The following PFKL variants were observed in gnomAD, a reference collection of about 807,000 sequenced individuals.
PFKL encodes ATP-dependent 6-phosphofructokinase, liver type.
In PFKL, 74 loss-of-function variants were observed where a neutral mutation model predicts 92.1. That is an observed-to-expected ratio of 0.80 (90% CI 0.67 to 0.97). The LOEUF is 0.97. PFKL is among the 50% of genes least tolerant of loss of function. PFKL has a pLI of 0.00. For synonymous variants in PFKL, 494 were observed against 456.4 expected, an observed-to-expected ratio of 1.08 and a Z score of -1.05; for missense variants, 1,028 against 1,116.6, an observed-to-expected ratio of 0.92 and a Z score of 1.13.
intron 2 of PFKL, among the ~76,000 whole-genome samples, chr21:44,310,263 G>T (rs2041077235): frequency 6.6e-6 from 1 of 152,258 alleles, no homozygotes; most frequent in Non-Finnish European, 1.5e-5. Flanking sequence ...GGCTGTGCAG[G>T]TGCCATCTGG....
chr21:44,306,578 A>C, intron 1 of PFKL, 103 bp from the exon 2 acceptor site: 43 of 857,210 alleles, frequency 5.0e-5, no homozygotes, highest in Non-Finnish European at 5.7e-5. Context: ...TGAGATGGAC[A>C]GGGTGTCCAG....
chr21:44,325,288 G>A (rs752623433), intron 19 of PFKL, 24 bp downstream of exon 19: 7 of 1,444,750 alleles, frequency 4.8e-6, no homozygotes, highest in Non-Finnish European at 6.8e-6. Context: ...GTGAGGCTCT[G>A]AGAGGCCTGC....
chr21:44,310,577 T>A lies in PFKL; in HGVS notation c.160-429T>A, dbSNP rs2047012907. On this transcript the variant is annotated intron_variant, in intron 2 of 21. Transcript: ENST00000349048. ...CCGCCGGCCGCATGCCTGGGAGGAC[T>A]CCAGTGGGGACAGAAGGAGCCACGC... 2.6e-5 allele frequency among the ~76,000 whole-genome samples: 4 copies of A among 152,316 alleles called. No homozygotes were observed. In the South Asian group the frequency reaches 8.3e-4, roughly 32 times the overall value.
At chr21:44,305,391 C>G (rs769773890) in intron 1 of PFKL, 6 of 1,362,454 alleles carry the variant, frequency 4.4e-6, no homozygotes, top group Non-Finnish European at 5.9e-6. Context: ...AGGGAGCTGC[C>G]GAGGCTTGAG....
chr21:44,312,578 C>CCT, intron 4 of PFKL, among the ~76,000 whole-genome samples: 1 of 152,328 alleles, frequency 6.6e-6, no homozygotes, highest in South Asian at 2.1e-4. Context: ...CAAGTCTTCT[C>CCT]TGTGATTGAT....
intron 17 of PFKL, 83 bp from the exon 18 acceptor site, chr21:44,324,773 C>G: frequency 6.3e-7 from 1 of 1,576,778 alleles, no homozygotes; most frequent in Non-Finnish European, 8.7e-7. Context: ...TAGCCCAGTG[C>G]TCCTGCTGGC....
At chr21:44,307,257 C>T (rs905104258) in intron 2 of PFKL, 2 of 984,944 alleles carry the variant, frequency 2.0e-6, no homozygotes, top group African/African-American at 1.7e-5. Context: ...TGTGTCCCCG[C>T]AGGAGCAGCG....
At chr21:44,313,713 G>GC in intron 6 of PFKL, 31 bp downstream of exon 6, 1 of 1,601,040 alleles carries the variant, frequency 6.2e-7, no homozygotes. Context: ...CCGCTGGGTG[G>GC]CCCGGGTGCT....
chr21:44,318,515 A>G lies in PFKL; in HGVS notation c.982A>G (p.Thr328Ala), dbSNP rs151173166. The change falls in exon 10 of 22, where the codon ACG becomes GCG. Residue 328 changes from threonine to alanine, a missense_variant. Thr to Ala is a moderately conservative substitution (Grantham distance 58). Coordinates refer to ENST00000349048, the MANE Select transcript of PFKL (RefSeq NM_002626.6). ...MEAVMALLEA[T>A]PDTPACVVTL... ...GGCGGTGATGGCGCTGCTGGAAGCC[A>G]CGCCTGACACGCCGGCCTGCGTGGT... 1.4e-4 allele frequency: 222 copies of G among 1,575,532 alleles called. 1 individual carries two copies. The highest frequency in any genetic ancestry group is 9.8e-4 in the African/African-American group (72 of 73,588).
chr21:44,302,304 T>C (rs2040799504), intron 1 of PFKL, among the ~76,000 whole-genome samples: 1 of 152,126 alleles, frequency 6.6e-6, no homozygotes, highest in Non-Finnish European at 1.5e-5. Flanking sequence ...GAACAGGTGG[T>C]TTTCTGCAAG....
rs536874146 is a variant in PFKL at position 44,301,101 on chromosome 21, A to G, written c.85+911A>G. On this transcript the variant is annotated intron_variant, in intron 1 of 21. Transcript: ENST00000349048. ...TCAGAAAATGGTTGAGAAAATGCGG[A>G]CACACACCCCCACCCAGCTTCAGGC... is the stretch of plus-strand genomic sequence containing the variant. 4.5e-4 allele frequency among the ~76,000 whole-genome samples: 68 copies of G among 152,278 alleles called. 2 individuals are homozygous for G. The South Asian group carries it at 0.014, about 32-fold the overall frequency.
intron 5 of PFKL, 146 bp downstream of exon 5, chr21:44,313,289 G>C: frequency 1.1e-6 from 1 of 936,912 alleles, no homozygotes; most frequent in Non-Finnish European, 1.6e-6. Context: ...CCCCAGCTGG[G>C]GGAACGCACA....
chr21:44,304,408 G>C, intron 1 of PFKL: 1 of 1,254,656 alleles, frequency 8.0e-7, no homozygotes, highest in Admixed American at 2.6e-5. Flanking sequence ...GCCTGGGTGC[G>C]CTGCTCCTGC....
In PFKL at chr21:44,319,335, G is replaced by C. The variant is rs771979389; in HGVS notation, c.1063-16G>C. ...CCAGGCTCTCCATAGTCTGTGTTCT[G>C]TTTCTCTTCCTTAAGACCAAGGAAG... On this transcript the variant is annotated splice_polypyrimidine_tract_variant and intron_variant, in intron 10 of 21. Coordinates refer to ENST00000349048, the MANE Select transcript of PFKL (RefSeq NM_002626.6). 4.3e-6 allele frequency: 7 copies of C among 1,611,552 alleles called. No homozygotes were observed. Among genetic ancestry groups the C allele is most frequent in the Non-Finnish European group, 2.5e-6 (3 of 1,178,030 alleles).
rs780944555 is a variant in PFKL at position 44,318,607 on chromosome 21, G to A, written c.1062+12G>A. ...AGTGCGTGCAGATGGTAAGCCCTGG[G>A]CCCCCCCCATCAGAACCGCCTGGCC... On this transcript the variant is annotated intron_variant, in intron 10 of 21. Coordinates refer to ENST00000349048, the MANE Select transcript of PFKL (RefSeq NM_002626.6). 2.1e-6 allele frequency: 3 copies of A among 1,458,990 alleles called. No homozygotes were observed. In the African/African-American group the frequency reaches 4.3e-5, roughly 21 times the overall value. 90.4% of individuals were successfully genotyped at this position (1,458,990 alleles called of 1,614,324 possible). A position where few individuals can be genotyped will look rare whatever the true frequency, so the allele number is the denominator to read the frequency against.
At chr21:44,313,522 GGGGCT>G in intron 5 of PFKL, 111 bp from the exon 6 acceptor site, 1 of 972,296 alleles carries the variant, frequency 1.0e-6, no homozygotes, top group Non-Finnish European at 1.6e-6. Context: ...GGCATGAGAA[GGGGCT>G]GTCCCCTGCC....
In PFKL at chr21:44,326,004, TG is replaced by T. The variant is rs1354667389; in HGVS notation, c.2038del (p.Val680Ter). On this transcript the variant is annotated frameshift_variant, in exon 20 of 22. Coordinates refer to ENST00000349048, the MANE Select transcript of PFKL (RefSeq NM_002626.6). LOFTEE classifies it high-confidence loss of function. The part of the protein sequence containing the change: ...TPFDRNYGTK[L>X]GVKAMLWLSE... ...TTTGACCGGAACTATGGGACCAAGCTGGGGGTGAAGGCCATGCTGTGGTTGT... is the reference window on the plus strand; with the variant it reads ...TTTGACCGGAACTATGGGACCAAGCTGGGGTGAAGGCCATGCTGTGGTTGT... 7.4e-6 allele frequency: 12 copies of T among 1,613,840 alleles called. No homozygotes were observed. Among genetic ancestry groups the T allele is most frequent in the Non-Finnish European group, 1.0e-5 (12 of 1,179,960 alleles).
At chr21:44,317,779 G>A (rs1219910895) in intron 9 of PFKL, among the ~76,000 whole-genome samples, 1 of 152,204 alleles carries the variant, frequency 6.6e-6, no homozygotes, top group African/African-American at 2.4e-5. Flanking sequence ...GGGTGTCTCC[G>A]AGGCTGCTCC....
At chr21:44,306,559 C>A in intron 1 of PFKL, 122 bp from the exon 2 acceptor site, 2 of 792,776 alleles carry the variant, frequency 2.5e-6, no homozygotes, top group Non-Finnish European at 2.1e-6. Context: ...TCCCCCACCA[C>A]CCGCCCTCTG....
Sources: gnomAD v4.1 joint callset for allele counts (sites outside exome capture counted in the v4.1 genomes callset) on GRCh38, gnomAD v4.1.1 for gene constraint, MANE v1.5 for transcripts, NCBI Gene and HGNC (gene_info 2026-07-23, HGNC 2026-07-21) for gene names.